Variants in PJA2 observed in about 807,000 individuals in gnomAD.
PJA2 encodes the protein E3 ubiquitin-protein ligase Praja-2.
PJA2 carries 25 observed loss-of-function variants against 69.3 expected under a neutral mutation model. That is an observed-to-expected ratio of 0.36 (90% CI 0.26 to 0.50). The LOEUF is 0.50. PJA2 is among the 20% of genes least tolerant of loss of function. The probability of loss-of-function intolerance (pLI) is 0.96; values close to 1 mark genes in which losing one functional copy is unlikely to be tolerated. For missense variants in PJA2, 809 were observed against 830.2 expected (o/e 0.97, Z 0.31); for synonymous variants, 308 against 277.8 (o/e 1.11, Z -1.08).
intron 5 of PJA2, among the ~76,000 whole-genome samples, chr5:109,364,562 G>C (rs1762555388): frequency 1.3e-5 from 2 of 148,878 alleles, no homozygotes; most frequent in Admixed American, 6.7e-5. Context: ...GGCGGAGCTT[G>C]CAGTGAGCCG....
intron 5 of PJA2, among the ~76,000 whole-genome samples, chr5:109,365,158 T>C (rs147225087): frequency 0.018 from 2,815 of 152,320 alleles, 36 homozygotes; most frequent in Non-Finnish European, 0.028. Context: ...ATGTACAATG[T>C]GTTTTTTATT....
intron 1 of PJA2, among the ~76,000 whole-genome samples, chr5:109,390,086 A>C (rs1747246661): frequency 6.6e-6 from 1 of 152,008 alleles, no homozygotes; most frequent in Admixed American, 6.6e-5. Flanking sequence ...AATGTTCTAT[A>C]AATGTCAATT....
chr5:109,379,077 T>G lies in PJA2; in HGVS notation c.410A>C (p.Asn137Thr). The G allele has an allele frequency of 6.2e-7, 1 of 1,614,148 alleles. No homozygotes were observed. Among genetic ancestry groups the G allele is most frequent in the Non-Finnish European group, 8.5e-7 (1 of 1,180,024 alleles). The change falls in exon 4 of 10, where the codon AAT becomes ACT. Residue 137 changes from asparagine to threonine, a missense_variant. This residue lies in a region of PJA2 where 700 missense variants were observed against 639.5 expected (regional missense o/e 1.09). Transcript: ENST00000361189. ...EGRDTLGSST[N>T]LHNHSEGEYI... ...CTCTCCCTCAGAGTGATTATGAAGA[T>G]TTGTACTGCTTCCTAAGGTATCCCT... is the stretch of plus-strand genomic sequence containing the variant.
In PJA2 at chr5:109,340,619, C is replaced by CCTCTCCCTCTCCCT. The variant is rs1554052692; in HGVS notation, c.2002-3264_2002-3263insAGGGAGAGGGAGAG. On this transcript the variant is annotated intron_variant, in intron 9 of 9. Transcript: ENST00000361189. ...AAATATGCTTAAGATTTATTGGGTC[C>CCTCTCCCTCTCCCT]CTCCCCCTCCCCCTCCCCCTCCCCC... Among the ~76,000 whole-genome samples the CCTCTCCCTCTCCCT allele has an allele frequency of 0.019, 10 of 522 alleles. 4 individuals are homozygous for CCTCTCCCTCTCCCT. In the East Asian group the frequency reaches 1, roughly 52 times the overall value. 0.3% of individuals were successfully genotyped at this position (522 alleles called of 152,430 possible). A position where few individuals can be genotyped will look rare whatever the true frequency, so the allele number is the denominator to read the frequency against.
intron 1 of PJA2, among the ~76,000 whole-genome samples, chr5:109,386,286 G>A (rs1350588471): frequency 2.0e-5 from 3 of 152,098 alleles, no homozygotes; most frequent in East Asian, 1.9e-4. Context: ...AGAACTGATC[G>A]TGCCAAAAGT....
chr5:109,344,005 G>T (rs1762130696), intron 9 of PJA2, among the ~76,000 whole-genome samples, 185 bp downstream of exon 9: 1 of 150,708 alleles, frequency 6.6e-6, no homozygotes, highest in South Asian at 2.1e-4. Flanking sequence ...GCTGAGGCAG[G>T]AGAATCGCTT....
chr5:109,383,391 G>C lies in PJA2; in HGVS notation c.31+12C>G, dbSNP rs777762767. 2 of 1,612,708 alleles carry C rather than the reference G, an allele frequency of 1.2e-6. No homozygotes were observed. The highest frequency in any genetic ancestry group is 1.7e-6 in the Non-Finnish European group (2 of 1,179,120). ...AAGAAGTACTCAATGTAGAAGAACT[G>C]ACTTTCCTTACCTGCTGGCTCCTTT... On this transcript the variant is annotated intron_variant, in intron 2 of 9. Coordinates refer to ENST00000361189, the MANE Select transcript of PJA2 (RefSeq NM_014819.5).
At chr5:109,371,138 C>T (rs1488201576) in intron 4 of PJA2, among the ~76,000 whole-genome samples, 2 of 152,014 alleles carry the variant, frequency 1.3e-5, no homozygotes, top group Non-Finnish European at 2.9e-5. Flanking sequence ...AAATATTTAC[C>T]ATCAGCTCCT....
At chr5:109,357,450 A>G (rs559530551) in intron 6 of PJA2, among the ~76,000 whole-genome samples, 1 of 152,354 alleles carries the variant, frequency 6.6e-6, no homozygotes, top group Non-Finnish European at 1.5e-5. Flanking sequence ...AGCAACAGAC[A>G]TGCACATATA....
intron 7 of PJA2, among the ~76,000 whole-genome samples, chr5:109,354,533 TATCTA>T (rs1762373029): frequency 2.5e-5 from 1 of 40,778 alleles, no homozygotes; most frequent in African/African-American, 1.2e-4. Flanking sequence ...ATATCTATAA[TATCTA>T]TAGATATCTA....
chr5:109,403,605 ACACCAT>A (rs1240563057), intron 1 of PJA2, among the ~76,000 whole-genome samples: 1 of 152,138 alleles, frequency 6.6e-6, no homozygotes, highest in Non-Finnish European at 1.5e-5. Flanking sequence ...AGTAGATAAT[ACACCAT>A]CACCAAGTGA....
chr5:109,381,706 GA>G lies in PJA2; in HGVS notation c.32-4del, dbSNP rs755312792. On this transcript the variant is annotated splice_polypyrimidine_tract_variant and splice_region_variant and intron_variant, in intron 2 of 9. Coordinates refer to ENST00000361189, the MANE Select transcript of PJA2 (RefSeq NM_014819.5). The stretch of plus-strand genomic sequence containing the variant: ...CTTACCAGATTCTTGGTCCATTGCT[GA>G]AAAAAAAGTTAAAAAATTAAAACAG... The G allele has an allele frequency of 3.1e-6, 5 of 1,609,110 alleles. No homozygotes were observed. Among genetic ancestry groups the G allele is most frequent in the Non-Finnish European group, 1.7e-6 (2 of 1,178,828 alleles).
intron 6 of PJA2, among the ~76,000 whole-genome samples, chr5:109,361,902 G>A (rs2126998233): frequency 6.6e-6 from 1 of 152,278 alleles, no homozygotes; most frequent in African/African-American, 2.4e-5. Flanking sequence ...GGAACAGTCT[G>A]GAGAAGTACA....
chr5:109,405,339 G>A (rs758619891), intron 1 of PJA2, among the ~76,000 whole-genome samples: 79 of 152,164 alleles, frequency 5.2e-4, no homozygotes, highest in Admixed American at 1.4e-3. Context: ...TCAAGATGTC[G>A]ATTCTTCCTA....
intron 7 of PJA2, among the ~76,000 whole-genome samples, chr5:109,354,125 T>C (rs1294199335): frequency 6.2e-5 from 3 of 48,114 alleles, no homozygotes; most frequent in Admixed American, 2.3e-4. Flanking sequence ...ATATCTATGG[T>C]ATCTAGAGCT....
chr5:109,385,825 T>C (rs959695102), intron 1 of PJA2, among the ~76,000 whole-genome samples: 5 of 152,216 alleles, frequency 3.3e-5, no homozygotes, highest in Admixed American at 1.3e-4. Flanking sequence ...AATATTTGCA[T>C]ATACATAATG....
chr5:109,409,974 T>TGGC (rs1478390887), upstream of PJA2: 2 of 219,134 alleles, frequency 9.1e-6, no homozygotes, highest in Admixed American at 6.2e-5. Flanking sequence ...GCGGCGGCGG[T>TGGC]GGCGGCGGCG....
chr5:109,344,669 G>C (rs1199419488), intron 8 of PJA2, 36 bp downstream of exon 8: 1 of 1,326,884 alleles, frequency 7.5e-7, no homozygotes, highest in East Asian at 2.3e-5. Context: ...AATGTACAAT[G>C]TGTTCTTCAA....
chr5:109,370,366 G>C (rs1762656585), intron 4 of PJA2, among the ~76,000 whole-genome samples: 1 of 152,164 alleles, frequency 6.6e-6, no homozygotes, highest in African/African-American at 2.4e-5. Context: ...TACGCAGTTA[G>C]TGATTTCCTT....
Sources: gnomAD v4.1 joint callset for allele counts (sites outside exome capture counted in the v4.1 genomes callset) on GRCh38, gnomAD v4.1.1 for gene constraint, gnomAD v4.1.1 regional missense constraint, MANE v1.5 for transcripts, NCBI Gene and HGNC (gene_info 2026-07-23, HGNC 2026-07-21) for gene names.